Variants in CTNNA2 observed in about 807,000 individuals in gnomAD.
The protein encoded by CTNNA2 is catenin alpha-2.
A neutral mutation model predicts 101.0 loss-of-function variants in CTNNA2; 42 were observed. The observed-to-expected ratio is 0.42, with a 90% CI of 0.32 to 0.54. The LOEUF (loss-of-function observed/expected upper bound fraction) is 0.54. Ranked by LOEUF, CTNNA2 falls within the 20% of genes least tolerant of loss-of-function variation. CTNNA2 has a pLI of 0.14. For missense variants in CTNNA2, 871 were observed against 1,223.1 expected (o/e 0.71, Z 4.29); for synonymous variants, 450 against 456.4 (o/e 0.99, Z 0.18).
chr2:79,317,199 G>T (rs1558622766), intron 3 of CTNNA2, among the ~76,000 whole-genome samples: 1 of 151,920 alleles, frequency 6.6e-6, no homozygotes, highest in Non-Finnish European at 1.5e-5. Context: ...TACTGATGTG[G>T]TGCATTCCAT....
chr2:80,250,177 T>TGG (rs1491261677), intron 7 of CTNNA2, among the ~76,000 whole-genome samples: 1 of 132,558 alleles, frequency 7.5e-6, no homozygotes, highest in South Asian at 2.7e-4. Flanking sequence ...GATACATGGA[T>TGG]GGGGGGAGAG....
At chr2:80,387,270 T>C (rs764323864) in intron 7 of CTNNA2, among the ~76,000 whole-genome samples, 23 of 151,910 alleles carry the variant, frequency 1.5e-4, no homozygotes, top group East Asian at 3.9e-4. Context: ...GCCTGGGCAA[T>C]AGAGCAAGAC....
At chr2:80,378,444 TACACAC>T (rs3040572) in intron 7 of CTNNA2, among the ~76,000 whole-genome samples, 30 of 147,892 alleles carry the variant, frequency 2.0e-4, no homozygotes, top group African/African-American at 5.0e-4. Flanking sequence ...ACTTGCAGTA[TACACAC>T]ACACACACAC....
chr2:79,203,904 G>C (rs563935709), intron 2 of CTNNA2, among the ~76,000 whole-genome samples: 10 of 152,144 alleles, frequency 6.6e-5, no homozygotes, highest in Non-Finnish European at 1.2e-4. Flanking sequence ...GCCAGCTGTT[G>C]CTTCCCATGG....
At chr2:79,921,186 T>C (rs992530354) in intron 7 of CTNNA2, among the ~76,000 whole-genome samples, 5 of 152,158 alleles carry the variant, frequency 3.3e-5, no homozygotes, top group African/African-American at 7.2e-5. Flanking sequence ...GATCTCTAAA[T>C]TGAGCAAGTA....
intron 3 of CTNNA2, among the ~76,000 whole-genome samples, chr2:79,344,822 AATATATAAT>A (rs891651459): frequency 2.3e-4 from 33 of 145,902 alleles, no homozygotes; most frequent in Non-Finnish European, 4.0e-4. Context: ...TTATATATAT[AATATATAAT>A]ATATATAATA....
At chr2:79,747,039 T>G (rs976341576) in intron 3 of CTNNA2, among the ~76,000 whole-genome samples, 11 of 152,188 alleles carry the variant, frequency 7.2e-5, no homozygotes, top group African/African-American at 2.7e-4. Flanking sequence ...ATTTAGTACC[T>G]GGAAACACCA....
chr2:80,493,846 G>T (rs2149521203), intron 9 of CTNNA2, among the ~76,000 whole-genome samples: 1 of 152,276 alleles, frequency 6.6e-6, no homozygotes, highest in African/African-American at 2.4e-5. Flanking sequence ...TTGAAACACT[G>T]AAAAAGTCAA....
At chr2:79,910,339 CT>C (rs1161101357) in intron 7 of CTNNA2, among the ~76,000 whole-genome samples, 1 of 152,144 alleles carries the variant, frequency 6.6e-6, no homozygotes. Context: ...GAGTGAGTCT[CT>C]TAAGTTTTCA....
chr2:80,544,523 G>A (rs928487537), intron 9 of CTNNA2, among the ~76,000 whole-genome samples: 8 of 152,046 alleles, frequency 5.3e-5, no homozygotes, highest in African/African-American at 1.7e-4. Flanking sequence ...GGCAGATCGG[G>A]TATTTTGGGG....
intron 2 of CTNNA2, chr2:79,697,882 T>C (rs1474897757): frequency 6.6e-6 from 1 of 152,036 alleles, no homozygotes; most frequent in African/African-American, 2.4e-5. Flanking sequence ...GAGGATGTGG[T>C]TGAAACAGTC....
intron 4 of CTNNA2, among the ~76,000 whole-genome samples, chr2:79,382,215 G>C (rs1474676403): frequency 2.0e-5 from 3 of 151,940 alleles, no homozygotes; most frequent in African/African-American, 7.3e-5. Flanking sequence ...TTCAGACTCA[G>C]ACTGAGACTT....
At chr2:79,954,625 T>C (rs1404653343) in intron 7 of CTNNA2, among the ~76,000 whole-genome samples, 2 of 152,200 alleles carry the variant, frequency 1.3e-5, no homozygotes, top group Admixed American at 1.3e-4. Flanking sequence ...TTTTTCACTG[T>C]AAGGTTCAAG....
At chr2:79,465,608 C>A (rs1670925374) in intron 4 of CTNNA2, among the ~76,000 whole-genome samples, 1 of 152,170 alleles carries the variant, frequency 6.6e-6, no homozygotes. Context: ...TTCTTTCTAT[C>A]CATGAGCATG....
At chr2:80,483,358 T>A (rs1686295307) in intron 9 of CTNNA2, among the ~76,000 whole-genome samples, 1 of 137,424 alleles carries the variant, frequency 7.3e-6, no homozygotes. Flanking sequence ...TCTAGAGTCA[T>A]GTTGTTGTTT....
At chr2:80,548,331 G>A (rs1409017389) in intron 11 of CTNNA2, among the ~76,000 whole-genome samples, 1 of 152,086 alleles carries the variant, frequency 6.6e-6, no homozygotes, top group East Asian at 1.9e-4. Context: ...TTTTCAGAGA[G>A]GAATCATTTT....
intron 7 of CTNNA2, among the ~76,000 whole-genome samples, chr2:80,103,084 C>T (rs564090074): frequency 1.3e-5 from 2 of 152,320 alleles, no homozygotes; most frequent in Admixed American, 6.5e-5. Flanking sequence ...CATTGACCTA[C>T]AGTCACATAT....
chr2:79,990,984 C>T (rs1316883077), intron 7 of CTNNA2, among the ~76,000 whole-genome samples: 1 of 152,152 alleles, frequency 6.6e-6, no homozygotes, highest in Non-Finnish European at 1.5e-5. Context: ...GATTCAGCTG[C>T]TTCCTGGTTT....
chr2:80,091,038 A>G (rs1469005524), intron 7 of CTNNA2, among the ~76,000 whole-genome samples: 2 of 152,134 alleles, frequency 1.3e-5, no homozygotes, highest in African/African-American at 4.8e-5. Flanking sequence ...TTGGAATTGT[A>G]TTAACATATG....
Sources: gnomAD v4.1 joint callset for allele counts (sites outside exome capture counted in the v4.1 genomes callset) on GRCh38, gnomAD v4.1.1 for gene constraint, MANE v1.5 for transcripts, NCBI Gene and HGNC (gene_info 2026-07-23, HGNC 2026-07-21) for gene names.